Variants in USP35 observed in about 807,000 individuals in gnomAD.
USP35 encodes the protein ubiquitin specific peptidase 35, also known as ubiquitin carboxyl-terminal hydrolase 35.
Under a neutral mutation model 83.8 loss-of-function variants are expected in USP35, and 69 were observed. The observed-to-expected ratio is 0.82, with a 90% CI of 0.68 to 1.01. The LOEUF is 1.01. Among genes scored for constraint, USP35 ranks in the 50% least tolerant of loss-of-function variants. USP35 has a pLI of 0.00. For missense variants in USP35, 1,503 were observed against 1,362.5 expected (o/e 1.10, Z -1.62); for synonymous variants, 714 against 589.5 (o/e 1.21, Z -3.06).
the USP35 span, among the ~76,000 whole-genome samples, chr11:78,223,909 C>T: frequency 6.6e-6 from 1 of 152,008 alleles, no homozygotes; most frequent in Non-Finnish European, 1.5e-5. Context: ...GGCAAAACCT[C>T]CTCTCTACTA....
In USP35 at chr11:78,215,087, A is replaced by C. The variant is rs1864050885; in HGVS notation, c.*1274A>C. ...CAGCAGACAGACACGCCCAGAACCC[A>C]TCTCTAGACGCCTAAGAAAGCTGGA... On this transcript the variant is annotated 3_prime_UTR_variant, in exon 11 of 11. Transcript: ENST00000529308. 6.6e-6 allele frequency among the ~76,000 whole-genome samples: 1 copy of C among 152,190 alleles called. No individual in the cohort carries two copies. Among genetic ancestry groups the C allele is most frequent in the African/African-American group, 2.4e-5 (1 of 41,434 alleles).
At chr11:78,228,221 C>T in the USP35 span, among the ~76,000 whole-genome samples, 69 of 152,270 alleles carry the variant, frequency 4.5e-4, no homozygotes, top group Non-Finnish European at 7.8e-4. Context: ...AACTAGATTC[C>T]AGGTTCTCTG....
At chr11:78,203,267 G>A (rs533725773) in intron 6 of USP35, among the ~76,000 whole-genome samples, 1 of 152,254 alleles carries the variant, frequency 6.6e-6, no homozygotes, top group African/African-American at 2.4e-5. Flanking sequence ...TACTGTACGG[G>A]GACTGAAAAA....
At chr11:78,225,993 A>G in the USP35 span, among the ~76,000 whole-genome samples, 1 of 152,268 alleles carries the variant, frequency 6.6e-6, no homozygotes, top group South Asian at 2.1e-4. Context: ...TACTTCAAAT[A>G]AAAGTTTTGA....
At chr11:78,194,315 A>T (rs1304224310) in intron 1 of USP35, among the ~76,000 whole-genome samples, 1 of 152,208 alleles carries the variant, frequency 6.6e-6, no homozygotes, top group Non-Finnish European at 1.5e-5. Context: ...ACAGCTGAGA[A>T]CTAGAACAGA....
intron 6 of USP35, among the ~76,000 whole-genome samples, chr11:78,203,908 T>G (rs1863446357): frequency 6.9e-6 from 1 of 145,116 alleles, no homozygotes; most frequent in Non-Finnish European, 1.5e-5. Context: ...TTTTTTTTTT[T>G]GAGACGGAGT....
the USP35 span, among the ~76,000 whole-genome samples, chr11:78,233,040 G>GTTTTTTTTTTTTTTTTTTTTTTTTTTT: frequency 1.5e-5 from 2 of 132,006 alleles, no homozygotes; most frequent in African/African-American, 6.0e-5. Flanking sequence ...GCACTGTTAA[G>GTTTTTTTTTTTTTTTTTTTTTTTTTTT]TTTTTTTTTT....
chr11:78,235,217 A>C, the USP35 span, among the ~76,000 whole-genome samples: 32 of 151,584 alleles, frequency 2.1e-4, no homozygotes, highest in African/African-American at 7.8e-4. Context: ...CAGTGGCACG[A>C]TCTCGGCTCA....
At position 78,214,145 on chromosome 11, in the gene USP35, A is replaced by ACCTCAGCTCCAATGTTTTGACATCAAGT. The variant is rs2134428578; in HGVS notation, c.*333_*360dup. The ACCTCAGCTCCAATGTTTTGACATCAAGT allele has an allele frequency of 4.2e-6, 1 of 239,438 alleles. No individual in the cohort carries two copies. The highest frequency in any genetic ancestry group is 5.9e-5 in the Admixed American group (1 of 17,000). 14.8% of individuals were successfully genotyped at this position (239,438 alleles called of 1,614,324 possible). On this transcript the variant is annotated 3_prime_UTR_variant, in exon 11 of 11. Transcript: ENST00000529308. Reference sequence around the variant, plus strand: ...TGATGATGTTCAGGAAACAGGCTAGACCTCAGCTCCAATGTTTTGACATCA... The same window carrying ACCTCAGCTCCAATGTTTTGACATCAAGT: ...TGATGATGTTCAGGAAACAGGCTAGACCTCAGCTCCAATGTTTTGACATCAAGTCCTCAGCTCCAATGTTTTGACATCA...
At chr11:78,227,631 C>CAAAAAAAAAAAAAAAAAAAAAAAA in the USP35 span, among the ~76,000 whole-genome samples, 188 of 106,042 alleles carry the variant, frequency 1.8e-3, 4 homozygotes, top group African/African-American at 6.4e-3. Flanking sequence ...CCATTGCCAC[C>CAAAAAAAAAAAAAAAAAAAAAAAA]AAAAAAAAAA....
chr11:78,220,989 C>T, the USP35 span, among the ~76,000 whole-genome samples: 2 of 152,214 alleles, frequency 1.3e-5, no homozygotes, highest in Non-Finnish European at 2.9e-5. Flanking sequence ...CCTAGCTCCT[C>T]CAAGATCTGA....
chr11:78,228,445 G>A, the USP35 span, among the ~76,000 whole-genome samples: 5 of 152,138 alleles, frequency 3.3e-5, no homozygotes, highest in East Asian at 1.9e-4. Flanking sequence ...GGCAAATCTC[G>A]TATACATATA....
At chr11:78,232,761 T>C in the USP35 span, among the ~76,000 whole-genome samples, 3 of 152,186 alleles carry the variant, frequency 2.0e-5, no homozygotes, top group Non-Finnish European at 4.4e-5. Flanking sequence ...AAGAGATAGA[T>C]AGAAGGCTGG....
At chr11:78,212,571 C>T (rs1590920599) in intron 10 of USP35, among the ~76,000 whole-genome samples, 1 of 152,114 alleles carries the variant, frequency 6.6e-6, no homozygotes, top group Non-Finnish European at 1.5e-5. Flanking sequence ...TATCTGTGAG[C>T]ATGGAATGTT....
At position 78,196,269 on chromosome 11, in the gene USP35, G is replaced by C; in HGVS notation, c.24G>C (p.Val8=). MDKILEA[V]VTSSYPVSVK... is the part of the protein sequence containing the mutation. ...CCATGGACAAGATCTTGGAGGCGGT[G>C]GTGACGTCGTCATACCCGGTCAGCG... is the stretch of plus-strand genomic sequence containing the variant. Residue 8 remains valine, a synonymous_variant, in exon 2 of 11, where the codon GTG becomes GTC. Coordinates refer to ENST00000529308, the MANE Select transcript of USP35 (RefSeq NM_020798.4). The surrounding 1 kb of genome is among the most constrained non-coding windows in gnomAD (Gnocchi z 4.8). 1 of 1,595,326 alleles carries C rather than the reference G, an allele frequency of 6.3e-7. No homozygotes were observed. The highest frequency in any genetic ancestry group is 2.3e-5 in the East Asian group (1 of 44,310).
rs758511744 is a variant in USP35 at position 78,196,340 on chromosome 11, C to T, written c.95C>T (p.Pro32Leu). Residue 32 changes from proline to leucine, a missense_variant, in exon 2 of 11, where the codon CCG becomes CTG. Transcript: ENST00000529308. This position sits in a 1 kb window ranked among gnomAD's most constrained non-coding sequence, Gnocchi z 4.8. Reference protein sequence around the residue: ...VRRVLEAARQPLEREQCLALL... With the variant: ...VRRVLEAARQLLEREQCLALL... ...CGCGTGCTGGAGGCGGCGCGGCAGC[C>T]GCTGGAGCGTGAGCAGTGCCTGGCG... is the stretch of plus-strand genomic sequence containing the variant. 2 of 1,584,118 alleles carry T rather than the reference C, an allele frequency of 1.3e-6. No homozygotes were observed. Among genetic ancestry groups the T allele is most frequent in the Non-Finnish European group, 1.7e-6 (2 of 1,172,754 alleles).
At position 78,191,217 on chromosome 11, in the gene USP35, A is replaced by T. The variant is rs554883495; in HGVS notation, c.-11+2060A>T. ...GGGTGATGGAGATAAGTCAGGCTCAACTGTGCAGGAGCAGAGATCAGTCAA... is the reference window on the plus strand; with the variant it reads ...GGGTGATGGAGATAAGTCAGGCTCATCTGTGCAGGAGCAGAGATCAGTCAA... On this transcript the variant is annotated intron_variant, in intron 1 of 10. Transcript: ENST00000529308. Among the ~76,000 whole-genome samples, 17 of 152,352 alleles carry T rather than the reference A, an allele frequency of 1.1e-4. No homozygotes were observed. In the South Asian group the frequency reaches 3.3e-3, roughly 30 times the overall value.
At chr11:78,202,943 A>C (rs1025337061) in intron 6 of USP35, among the ~76,000 whole-genome samples, 2 of 152,160 alleles carry the variant, frequency 1.3e-5, no homozygotes, top group Non-Finnish European at 2.9e-5. Flanking sequence ...CTGTGAGCAA[A>C]TGAGTGGGTT....
intron 10 of USP35, among the ~76,000 whole-genome samples, chr11:78,212,582 T>C (rs1281567456): frequency 2.0e-5 from 3 of 152,218 alleles, no homozygotes; most frequent in Admixed American, 6.5e-5. Flanking sequence ...ATGGAATGTT[T>C]TTCCATTTGT....
Sources: allele counts gnomAD v4.1 joint callset (sites outside exome capture counted in the v4.1 genomes callset), GRCh38; gene constraint gnomAD v4.1.1; non-coding constraint Gnocchi (gnomAD v3.1); transcripts MANE v1.5; gene names NCBI Gene and HGNC (gene_info 2026-07-23, HGNC 2026-07-21).